PCDHA3: variants seen among roughly 807,000 people sequenced by gnomAD.
PCDHA3 encodes the protein protocadherin alpha 3.
In PCDHA3, 41 loss-of-function variants were observed where a neutral mutation model predicts 62.2. The observed-to-expected ratio is 0.66, with a 90% CI of 0.51 to 0.86. The LOEUF (loss-of-function observed/expected upper bound fraction) is 0.86, where lower values mean the gene tolerates loss of function less well. Ranked by LOEUF, PCDHA3 falls within the 40% of genes least tolerant of loss-of-function variation. The pLI is 0.00. For synonymous variants in PCDHA3, 640 were observed against 555.4 expected, an observed-to-expected ratio of 1.15 and a Z score of -2.14; for missense variants, 1,304 against 1,241.2, an observed-to-expected ratio of 1.05 and a Z score of -0.76.
chr5:140,996,135 C>T (rs2097713564), intron 3 of PCDHA3, among the ~76,000 whole-genome samples: 1 of 152,140 alleles, frequency 6.6e-6, no homozygotes, highest in Non-Finnish European at 1.5e-5. Flanking sequence ...AGAGGGTTCT[C>T]CCATTATCTT....
rs782727100 is a variant in PCDHA3, at chr5:140,877,121, C to G, written c.2394+73530C>G. 12 of 1,613,694 alleles carry G rather than the reference C, an allele frequency of 7.4e-6. No homozygotes were observed. In the South Asian group the frequency reaches 8.8e-5, roughly 12 times the overall value. ...GTGCCGCCTCTGGGCAGCAACGTGA[C>G]GCTGCAGGTGTTCGTGCTGGACGAG... is the stretch of plus-strand genomic sequence containing the variant. On this transcript the variant is annotated intron_variant, in intron 1 of 3. Coordinates refer to ENST00000522353, the MANE Select transcript of PCDHA3 (RefSeq NM_018906.3).
Position 140,803,562 on chromosome 5 carries a change from C to G in PCDHA3, c.2365C>G (p.Gln789Glu), listed in dbSNP as rs782224885. 1.2e-6 allele frequency: 2 copies of G among 1,614,226 alleles called. No individual in the cohort carries two copies. The highest frequency in any genetic ancestry group is 1.7e-6 in the Non-Finnish European group (2 of 1,180,048). ...AATTAGCCGGGATAGAGAGGAGAAA[C>G]AGGATGTGGACGTTGATCTCTCAGC... ...CPISRDREEK[Q>E]DVDVDLSAKP... Residue 789 changes from glutamine (Q) to glutamate (E), a missense_variant, in exon 1 of 4, where the codon CAG becomes GAG. Coordinates refer to ENST00000522353, the MANE Select transcript of PCDHA3 (RefSeq NM_018906.3).
At position 140,803,385 on chromosome 5, in the gene PCDHA3, G is replaced by T; in HGVS notation, c.2188G>T (p.Gly730Cys). Reference sequence around the variant, plus strand: ...GCGGTGCTCCGCGCCGCCAACCGAAGGCGACTGTGGGCCGGGCAAGCCCAC... The same window carrying T: ...GCGGTGCTCCGCGCCGCCAACCGAATGCGACTGTGGGCCGGGCAAGCCCAC... ...ALRCSAPPTE[G>C]DCGPGKPTLV... The change falls in exon 1 of 4, where the codon GGC (glycine) becomes TGC (cysteine). Residue 730 changes from glycine (G) to cysteine (C), a missense_variant. Physicochemically the swap from Gly to Cys is radical, Grantham distance 159 (BLOSUM62 -3). Coordinates refer to ENST00000522353, the MANE Select transcript of PCDHA3 (RefSeq NM_018906.3). 6.2e-7 allele frequency: 1 copy of T among 1,614,218 alleles called. No homozygotes were observed. Among genetic ancestry groups the T allele is most frequent in the Non-Finnish European group, 8.5e-7 (1 of 1,180,036 alleles).
chr5:140,896,721 T>C (rs774174943), intron 1 of PCDHA3, among the ~76,000 whole-genome samples: 1 of 152,176 alleles, frequency 6.6e-6, no homozygotes, highest in Non-Finnish European at 1.5e-5. Flanking sequence ...TGCTTGTTAA[T>C]TTGTTTAAGT....
rs1554217734 is a variant in PCDHA3, at chr5:140,946,611, AATATATAT to A, written c.2395-32324_2395-32317del. Among the ~76,000 whole-genome samples, 24 of 86,806 alleles carry A rather than the reference AATATATAT, an allele frequency of 2.8e-4. 1 individual carries two copies. Among genetic ancestry groups the A allele is most frequent in the African/African-American group, 1.5e-3 (23 of 15,698 alleles). 56.9% of individuals were successfully genotyped at this position (86,806 alleles called of 152,430 possible). On this transcript the variant is annotated intron_variant, in intron 1 of 3. Coordinates refer to ENST00000522353, the MANE Select transcript of PCDHA3 (RefSeq NM_018906.3). ...GGATGAATAGATAAAGAAAATGTGA[AATATATAT>A]ATATATATATATACAATGGAATACT... is the stretch of plus-strand genomic sequence containing the variant.
intron 1 of PCDHA3, chr5:140,883,049 G>A: frequency 6.2e-7 from 1 of 1,614,182 alleles, no homozygotes; most frequent in South Asian, 1.1e-5. Context: ...TGGAACATTA[G>A]TGATCAAGCT....
At position 140,802,764 on chromosome 5, in the gene PCDHA3, C is replaced by T. The variant is rs1581654740; in HGVS notation, c.1567C>T (p.Leu523=). ...CGGCAAGGTGTACGCGCTGCAGCCG[C>T]TGGACCACGAGGAGCTAGAGCTGCT... ...ESGKVYALQP[L]DHEELELLQF... The change falls in exon 1 of 4, where the codon CTG becomes TTG. Residue 523 remains leucine (L), a synonymous_variant. Coordinates refer to ENST00000522353, the MANE Select transcript of PCDHA3 (RefSeq NM_018906.3). 1.2e-6 allele frequency: 2 copies of T among 1,612,940 alleles called. No individual in the cohort carries two copies. Among genetic ancestry groups the T allele is most frequent in the Non-Finnish European group, 1.7e-6 (2 of 1,179,868 alleles).
intron 1 of PCDHA3, among the ~76,000 whole-genome samples, chr5:140,924,932 AAAAT>A (rs2082199458): frequency 7.6e-6 from 1 of 131,842 alleles, no homozygotes; most frequent in East Asian, 2.6e-4. Flanking sequence ...AAAATAAAAT[AAAAT>A]AAAAAGTTAA....
intron 1 of PCDHA3, chr5:140,869,763 A>G: frequency 1.9e-6 from 3 of 1,613,302 alleles, no homozygotes; most frequent in Non-Finnish European, 2.5e-6. Flanking sequence ...GGGGAAAACC[A>G]GAGCTTACTG....
rs978894087 is a variant in PCDHA3, at chr5:140,805,287, G to A, written c.2394+1696G>A. 2.4e-6 allele frequency: 3 copies of A among 1,272,152 alleles called. No individual in the cohort carries two copies. The African/African-American group carries it at 4.6e-5, about 20-fold the overall frequency. 78.8% of individuals were successfully genotyped at this position (1,272,152 alleles called of 1,614,324 possible). A position where few individuals can be genotyped will look rare whatever the true frequency, so the allele number is the denominator to read the frequency against. Reference sequence around the variant, plus strand: ...AATGAAAATATTACAAATGAAATGGGTGAAAATGGAATTCTTCCTCCTTTT... The same window carrying A: ...AATGAAAATATTACAAATGAAATGGATGAAAATGGAATTCTTCCTCCTTTT... On this transcript the variant is annotated intron_variant, in intron 1 of 3. Coordinates refer to ENST00000522353, the MANE Select transcript of PCDHA3 (RefSeq NM_018906.3).
chr5:140,807,107 T>A, intron 1 of PCDHA3: 1 of 1,466,078 alleles, frequency 6.8e-7, no homozygotes. Context: ...AGGATGCAGC[T>A]GCACTTGACT....
At position 141,010,922 on chromosome 5, in the gene PCDHA3, A is replaced by G. The variant is rs1263879494; in HGVS notation, c.*985A>G. The G allele has an allele frequency of 5.2e-5, 8 of 153,814 alleles. No homozygotes were observed. Among genetic ancestry groups the G allele is most frequent in the African/African-American group, 1.9e-4 (8 of 41,474 alleles). The allele number at this position is 153,814 out of a possible 1,614,324, so 9.5% of individuals were successfully genotyped here. A position where few individuals can be genotyped will look rare whatever the true frequency, so the allele number is the denominator to read the frequency against. ...TTCCCCTAAACTCTCCTCAAAAGAG[A>G]ATTCAGTCTACAGCCATTTAAATGA... On this transcript the variant is annotated 3_prime_UTR_variant, in exon 4 of 4. Transcript: ENST00000522353.
chr5:140,858,465 T>C lies in PCDHA3; in HGVS notation c.2394+54874T>C, dbSNP rs1554151663. The C allele has an allele frequency of 1.3e-6, 2 of 1,522,706 alleles. 1 individual carries two copies. The allele number at this position is 1,522,706 out of a possible 1,614,324, so 94.3% of individuals were successfully genotyped here. ...GGTTATTACGTTTTCATTTTCCTTT[T>C]GTGCTTTATGAATAATATTTTCTCT... On this transcript the variant is annotated intron_variant, in intron 1 of 3. Coordinates refer to ENST00000522353, the MANE Select transcript of PCDHA3 (RefSeq NM_018906.3).
Position 140,981,745 on chromosome 5 carries a change from T to C in PCDHA3, c.2454-730T>C, listed in dbSNP as rs145941614. On this transcript the variant is annotated intron_variant, in intron 2 of 3. Coordinates refer to ENST00000522353, the MANE Select transcript of PCDHA3 (RefSeq NM_018906.3). ...CAAATATTTGAGAGATTAATATGAG[T>C]TAGTATTAGACATACATAAATGAAT... Among the ~76,000 whole-genome samples the C allele has an allele frequency of 1.1e-3, 160 of 152,294 alleles. 1 individual carries two copies. The East Asian group carries it at 0.027, about 25-fold the overall frequency.
chr5:140,843,058 G>A, intron 1 of PCDHA3: 3 of 1,595,232 alleles, frequency 1.9e-6, no homozygotes, highest in Non-Finnish European at 2.6e-6. Flanking sequence ...CAGCGAGCAA[G>A]CTGGTGCCGC....
intron 1 of PCDHA3, among the ~76,000 whole-genome samples, chr5:140,945,166 T>C (rs145739178): frequency 2.6e-5 from 4 of 152,112 alleles, no homozygotes; most frequent in African/African-American, 9.6e-5. Context: ...TTGAACTATC[T>C]GAAAAATAAA....
intron 3 of PCDHA3, among the ~76,000 whole-genome samples, chr5:141,007,395 CA>C (rs35800918): frequency 0.59 from 55,851 of 95,076 alleles, 14,598 homozygotes; most frequent in African/African-American, 0.74. Context: ...TACTAAAATA[CA>C]AAAAAAAAAA....
chr5:140,933,938 T>C (rs1275274532), intron 1 of PCDHA3, among the ~76,000 whole-genome samples: 1 of 152,108 alleles, frequency 6.6e-6, no homozygotes, highest in Non-Finnish European at 1.5e-5. Context: ...TGACTTTTTT[T>C]CACATCTGCA....
At chr5:140,966,767 A>T in intron 1 of PCDHA3, 1 of 1,484,362 alleles carries the variant, frequency 6.7e-7, no homozygotes, top group South Asian at 1.3e-5. Context: ...GCCAGTGGCT[A>T]TGGAGCAGGC....
Sources: gnomAD v4.1 joint callset for allele counts (sites outside exome capture counted in the v4.1 genomes callset) on GRCh38, gnomAD v4.1.1 for gene constraint, MANE v1.5 for transcripts, NCBI Gene and HGNC (gene_info 2026-07-23, HGNC 2026-07-21) for gene names.